Variants in UMAD1 observed in about 807,000 individuals in gnomAD.
UMAD1 encodes the protein UBAP1-MVB12-associated (UMA) domain containing 1, also known as UBAP1-MVB12-associated (UMA)-domain containing protein 1.
In UMAD1, 8 loss-of-function variants were observed where a neutral mutation model predicts 6.1. The observed-to-expected ratio is 1.30, with a 90% CI of 0.76 to 2.35. The LOEUF is 2.35. UMAD1 is among the 30% of genes most tolerant of loss of function. The pLI is 0.00. For synonymous variants in UMAD1, 56 were observed against 31.4 expected, an observed-to-expected ratio of 1.78 and a Z score of -2.61; for missense variants, 130 against 78.4, an observed-to-expected ratio of 1.66 and a Z score of -2.49.
chr7:7,699,052 G>C (rs1038733140), intron 2 of UMAD1, among the ~76,000 whole-genome samples: 36 of 65,052 alleles, frequency 5.5e-4, no homozygotes, highest in East Asian at 3.6e-3. Flanking sequence ...GTGTGTGTGG[G>C]GGGGGGGTAG....
chr7:7,703,540 A>G (rs569878039), intron 2 of UMAD1, among the ~76,000 whole-genome samples: 1 of 152,358 alleles, frequency 6.6e-6, no homozygotes, highest in African/African-American at 2.4e-5. Flanking sequence ...TGAATCCCAG[A>G]GGTCCTGACT....
intron 3 of UMAD1, among the ~76,000 whole-genome samples, chr7:7,851,161 G>A (rs1235476089): frequency 6.6e-6 from 1 of 152,088 alleles, no homozygotes; most frequent in Non-Finnish European, 1.5e-5. Context: ...ATAATATGTG[G>A]TCTTTTGTGA....
intron 3 of UMAD1, among the ~76,000 whole-genome samples, chr7:7,819,677 C>T (rs548134912): frequency 6.6e-6 from 1 of 152,334 alleles, no homozygotes; most frequent in African/African-American, 2.4e-5. Context: ...AATGGGTTCA[C>T]ATTCTGAAAA....
chr7:7,864,817 G>T (rs1376552222), intron 3 of UMAD1, among the ~76,000 whole-genome samples: 1 of 152,018 alleles, frequency 6.6e-6, no homozygotes, highest in Non-Finnish European at 1.5e-5. Context: ...GTAATTAGAG[G>T]GTTGGAACCA....
chr7:7,817,418 T>C (rs1476343718), intron 3 of UMAD1, among the ~76,000 whole-genome samples: 6 of 152,256 alleles, frequency 3.9e-5, no homozygotes, highest in Admixed American at 3.9e-4. Context: ...TAAGTATTAC[T>C]CTTAACCATG....
At chr7:7,805,132 A>G (rs57088976) in intron 3 of UMAD1, among the ~76,000 whole-genome samples, 18,315 of 152,092 alleles carry the variant, frequency 0.12, 1,199 homozygotes, top group Middle Eastern at 0.17. Flanking sequence ...TGACTCCTAA[A>G]ATATGTCTCT....
At chr7:7,779,371 C>A (rs1370276865) in intron 2 of UMAD1, among the ~76,000 whole-genome samples, 1 of 152,004 alleles carries the variant, frequency 6.6e-6, no homozygotes, top group African/African-American at 2.4e-5. Context: ...CTCAAGCAGT[C>A]CTCCCTTTTC....
chr7:7,870,650 T>C (rs550891550), intron 3 of UMAD1, among the ~76,000 whole-genome samples: 2 of 152,326 alleles, frequency 1.3e-5, no homozygotes, highest in East Asian at 3.9e-4. Context: ...AGTGATCAGG[T>C]TTATAGGCTG....
At chr7:7,763,343 G>A (rs1781926781) in intron 2 of UMAD1, among the ~76,000 whole-genome samples, 1 of 152,204 alleles carries the variant, frequency 6.6e-6, no homozygotes, top group African/African-American at 2.4e-5. Context: ...GCTAAGGTTT[G>A]GGGTATGGAT....
chr7:7,802,375 TCA>T (rs144471611), intron 3 of UMAD1, among the ~76,000 whole-genome samples: 66,687 of 145,072 alleles, frequency 0.46, 15,250 homozygotes, highest in African/African-American at 0.59. Context: ...AGACTCCGTC[TCA>T]AAAAAAAAAA....
At chr7:7,851,924 T>G (rs143691548) in intron 3 of UMAD1, among the ~76,000 whole-genome samples, 1,590 of 152,306 alleles carry the variant, frequency 0.01, 15 homozygotes, top group Non-Finnish European at 0.017. Flanking sequence ...CTCATGCTTG[T>G]GGTGTCATAT....
chr7:7,808,850 C>T (rs1782969900), intron 3 of UMAD1, among the ~76,000 whole-genome samples: 1 of 151,842 alleles, frequency 6.6e-6, no homozygotes, highest in Non-Finnish European at 1.5e-5. Flanking sequence ...TATGGAGACA[C>T]ATATAAAATA....
intron 2 of UMAD1, among the ~76,000 whole-genome samples, chr7:7,763,567 A>T (rs751308822): frequency 6.6e-6 from 1 of 152,230 alleles, no homozygotes; most frequent in Non-Finnish European, 1.5e-5. Context: ...AATTTTAAAA[A>T]TTTAAATATA....
rs947741257 is a variant in UMAD1 at position 7,806,011 on chromosome 7, C to G, written c.156+4268C>G. ...CAATAAGTACTTGCTAACTGATCAT[C>G]TAGATTTTATTTAATGTCTTTGTCC... On this transcript the variant is annotated intron_variant, in intron 3 of 3. Coordinates refer to ENST00000682710, the MANE Select transcript of UMAD1 (RefSeq NM_001302348.2). Among the ~76,000 whole-genome samples the G allele has an allele frequency of 3.3e-5, 5 of 152,306 alleles. No individual in the cohort carries two copies. The East Asian group carries it at 5.8e-4, about 18-fold the overall frequency.
intron 3 of UMAD1, among the ~76,000 whole-genome samples, chr7:7,819,809 C>T (rs557581424): frequency 2.6e-5 from 4 of 152,228 alleles, no homozygotes; most frequent in East Asian, 1.9e-4. Context: ...ACTTCTCATC[C>T]GGGTACACTG....
At chr7:7,804,517 CA>C (rs1252743891) in intron 3 of UMAD1, among the ~76,000 whole-genome samples, 1 of 152,034 alleles carries the variant, frequency 6.6e-6, no homozygotes, top group Non-Finnish European at 1.5e-5. Context: ...TACTAAAATA[CA>C]AAAAATTAGC....
At chr7:7,643,561 A>C (rs1785023822) in intron 1 of UMAD1, among the ~76,000 whole-genome samples, 1 of 152,102 alleles carries the variant, frequency 6.6e-6, no homozygotes, top group African/African-American at 2.4e-5. Context: ...ATATACAAAA[A>C]AGTATCCAGG....
At chr7:7,745,171 G>A (rs1449268375) in intron 2 of UMAD1, among the ~76,000 whole-genome samples, 3 of 152,150 alleles carry the variant, frequency 2.0e-5, no homozygotes, top group Admixed American at 1.3e-4. Flanking sequence ...CATCATAAAG[G>A]TCTTCATTCT....
At chr7:7,789,100 T>C (rs11983544) in intron 2 of UMAD1, among the ~76,000 whole-genome samples, 106,331 of 152,158 alleles carry the variant, frequency 0.7, 37,257 homozygotes, top group East Asian at 0.79. Context: ...TGCAGATATA[T>C]ATCAACAAAA....
Sources: allele counts gnomAD v4.1 joint callset (sites outside exome capture counted in the v4.1 genomes callset), GRCh38; gene constraint gnomAD v4.1.1; transcripts MANE v1.5; gene names NCBI Gene and HGNC (gene_info 2026-07-23, HGNC 2026-07-21).